MMS22L: variants seen among roughly 807,000 people sequenced by gnomAD.
MMS22L encodes the protein MMS22 like, DNA repair protein.
A neutral mutation model predicts 159.1 loss-of-function variants in MMS22L; 74 were observed. That is an observed-to-expected ratio of 0.47 (90% CI 0.39 to 0.56). The LOEUF (loss-of-function observed/expected upper bound fraction) is 0.56. Among genes scored for constraint, MMS22L ranks in the 20% least tolerant of loss-of-function variants. The pLI is 0.00. For synonymous variants in MMS22L, 517 were observed against 506.9 expected (o/e 1.02, Z -0.27); for missense variants, 1,351 against 1,422.1 (o/e 0.95, Z 0.80).
At chr6:97,256,649 T>A (rs1398162640) in intron 9 of MMS22L, among the ~76,000 whole-genome samples, 1 of 152,180 alleles carries the variant, frequency 6.6e-6, no homozygotes, top group Admixed American at 6.5e-5. Context: ...CAATTGTCAC[T>A]CTTTTAGTGG....
chr6:97,167,028 T>C (rs1413547938), intron 20 of MMS22L, among the ~76,000 whole-genome samples: 1 of 152,120 alleles, frequency 6.6e-6, no homozygotes, highest in East Asian at 1.9e-4. Flanking sequence ...TCAAAATCCA[T>C]TTTCCCTTTC....
chr6:97,252,822 TG>T, intron 10 of MMS22L, among the ~76,000 whole-genome samples: 1 of 152,170 alleles, frequency 6.6e-6, no homozygotes, highest in South Asian at 2.1e-4. Flanking sequence ...GGAAGAAAAA[TG>T]CAAATGCTTA....
At chr6:97,234,185 C>T (rs1811160292) in intron 11 of MMS22L, among the ~76,000 whole-genome samples, 1 of 152,104 alleles carries the variant, frequency 6.6e-6, no homozygotes, top group Non-Finnish European at 1.5e-5. Flanking sequence ...TTAACACATT[C>T]AGATAACAGA....
chr6:97,185,203 A>C (rs975158972), intron 15 of MMS22L, among the ~76,000 whole-genome samples: 5 of 152,018 alleles, frequency 3.3e-5, no homozygotes, highest in African/African-American at 1.2e-4. Context: ...ACATTACACT[A>C]TTTACTCATT....
intron 16 of MMS22L, 39 bp downstream of exon 16, chr6:97,181,865 G>A (rs1218124044): frequency 6.3e-7 from 1 of 1,586,922 alleles, no homozygotes; most frequent in South Asian, 1.2e-5. Context: ...TCTGTCACAG[G>A]TTTGCATTAA....
intron 18 of MMS22L, 72 bp downstream of exon 18, chr6:97,178,371 A>T: frequency 1.7e-6 from 2 of 1,154,190 alleles, no homozygotes; most frequent in Non-Finnish European, 2.4e-6. Context: ...GAAAAACTTT[A>T]AGAATACTTC....
intron 11 of MMS22L, among the ~76,000 whole-genome samples, chr6:97,236,783 C>G (rs1390305950): frequency 1.3e-5 from 2 of 152,022 alleles, no homozygotes; most frequent in South Asian, 4.2e-4. Flanking sequence ...AACCCCGTCT[C>G]TACTAAAAAT....
At chr6:97,280,227 T>G (rs1816638038) in intron 3 of MMS22L, among the ~76,000 whole-genome samples, 1 of 152,200 alleles carries the variant, frequency 6.6e-6, no homozygotes, top group Non-Finnish European at 1.5e-5. Context: ...TTTTACTGTG[T>G]TTTGGAATAA....
chr6:97,278,545 GT>G (rs1337321363), intron 4 of MMS22L, among the ~76,000 whole-genome samples: 1 of 152,138 alleles, frequency 6.6e-6, no homozygotes, highest in African/African-American at 2.4e-5. Context: ...GTCTGGCACT[GT>G]TTAGTTCTCA....
Position 97,168,128 on chromosome 6 carries a change from C to A in MMS22L, c.2952G>T (p.Lys984Asn), listed in dbSNP as rs770386888. The A allele has an allele frequency of 1.2e-6, 2 of 1,612,992 alleles. No homozygotes were observed. Among genetic ancestry groups the A allele is most frequent in the Non-Finnish European group, 1.7e-6 (2 of 1,179,352 alleles). Residue 984 changes from lysine (K) to asparagine (N), a missense_variant, in exon 20 of 25, where the codon AAG becomes AAT. Coordinates refer to ENST00000683635, the MANE Select transcript of MMS22L (RefSeq NM_001350599.2). ...CTGACAACATAGGTGCAGGCAGTTCCTTCTCTTGCTGTAATACTGCATGTG... is the reference window on the plus strand; with the variant it reads ...CTGACAACATAGGTGCAGGCAGTTCATTCTCTTGCTGTAATACTGCATGTG... The part of the protein sequence containing the change: ...LLPHAVLQQE[K>N]ELPAPMLSAI...
intron 13 of MMS22L, chr6:97,231,044 A>T (rs1171351483): frequency 2.4e-5 from 4 of 169,480 alleles, no homozygotes; most frequent in African/African-American, 4.8e-5. Flanking sequence ...AAAGAGACAG[A>T]GAAAACAATG....
rs397729582 is a variant in MMS22L at position 97,152,820 on chromosome 6, TAA to T, written c.3386-955_3386-954del. Among the ~76,000 whole-genome samples the T allele has an allele frequency of 4.5e-3, 669 of 149,956 alleles. 2 individuals are homozygous for T. The highest frequency in any genetic ancestry group is 0.015 in the African/African-American group (621 of 40,604). ...TTTAACTGAACTACCTTTTTTTTTT[TAA>T]AAAAAATGAGTATTTTCTTTTTTTT... On this transcript the variant is annotated intron_variant, in intron 22 of 24. Transcript: ENST00000683635.
Position 97,282,400 on chromosome 6 carries a change from A to T in MMS22L, c.78T>A (p.Pro26=), listed in dbSNP as rs760698831. 1.9e-6 allele frequency: 3 copies of T among 1,614,144 alleles called. No individual in the cohort carries two copies. The highest frequency in any genetic ancestry group is 2.5e-6 in the Non-Finnish European group (3 of 1,180,014). The change falls in exon 2 of 25, where the codon CCT becomes CCA. Residue 26 remains proline, a synonymous_variant. Coordinates refer to ENST00000683635, the MANE Select transcript of MMS22L (RefSeq NM_001350599.2). ...ELELGTEWCK[P]PYFSCAVDNR... ...TGTCAACAGCACAAGAAAAGTAAGGAGGTTTGCACCATTCCGTCCCCAGCT... is the reference window on the plus strand; with the variant it reads ...TGTCAACAGCACAAGAAAAGTAAGGTGGTTTGCACCATTCCGTCCCCAGCT...
At chr6:97,267,059 T>C (rs1207790341) in intron 8 of MMS22L, 1 of 152,176 alleles carries the variant, frequency 6.6e-6, no homozygotes, top group Non-Finnish European at 1.5e-5. Context: ...CTACACTGTA[T>C]ACACATATCA....
At chr6:97,193,791 C>T (rs1415940063) in intron 14 of MMS22L, among the ~76,000 whole-genome samples, 4 of 152,180 alleles carry the variant, frequency 2.6e-5, no homozygotes, top group Non-Finnish European at 2.9e-5. Flanking sequence ...GACGGAGTCT[C>T]GCTCTGTCAC....
rs576137652 is a variant in MMS22L at position 97,253,003 on chromosome 6, C to A, written c.1119+1554G>T. On this transcript the variant is annotated intron_variant, in intron 10 of 24. Transcript: ENST00000683635. ...AAATTTATTATTTACTCTGTATTAG[C>A]ATGGTAAATAATCATGGATACAAAC... is the stretch of plus-strand genomic sequence containing the variant. Among the ~76,000 whole-genome samples, 8 of 152,274 alleles carry A rather than the reference C, an allele frequency of 5.3e-5. No homozygotes were observed. The South Asian group carries it at 1.7e-3, about 32-fold the overall frequency.
At chr6:97,157,092 T>A (rs1409239561) in intron 22 of MMS22L, among the ~76,000 whole-genome samples, 1 of 151,884 alleles carries the variant, frequency 6.6e-6, no homozygotes, top group Non-Finnish European at 1.5e-5. Flanking sequence ...CAATTGTGAA[T>A]GGGAGTTCAC....
intron 14 of MMS22L, among the ~76,000 whole-genome samples, chr6:97,205,216 TACAG>T (rs1807648257): frequency 6.6e-6 from 1 of 151,976 alleles, no homozygotes; most frequent in South Asian, 2.1e-4. Flanking sequence ...GTGCTGGGAT[TACAG>T]GCATGAGCCA....
intron 6 of MMS22L, chr6:97,270,814 T>C (rs957500380): frequency 2.6e-5 from 4 of 152,042 alleles, no homozygotes; most frequent in African/African-American, 9.7e-5. Flanking sequence ...GGTCATTCAA[T>C]AAAAAATAAG....
Sources: gnomAD v4.1 joint callset for allele counts (sites outside exome capture counted in the v4.1 genomes callset) on GRCh38, gnomAD v4.1.1 for gene constraint, MANE v1.5 for transcripts, NCBI Gene and HGNC (gene_info 2026-07-23, HGNC 2026-07-21) for gene names.